FMO3: variants seen among roughly 807,000 people sequenced by gnomAD.
FMO3 encodes the protein flavin-containing monooxygenase 3.
In FMO3, 40 loss-of-function variants were observed where a neutral mutation model predicts 39.4. That is an observed-to-expected ratio of 1.02 (90% CI 0.79 to 1.32). FMO3 has a LOEUF of 1.32. FMO3 is among the 40% of genes most tolerant of loss of function. The probability of loss-of-function intolerance (pLI) is 0.00; values close to 1 mark genes in which losing one functional copy is unlikely to be tolerated. For synonymous variants in FMO3, 219 were observed against 228.8 expected, an observed-to-expected ratio of 0.96 and a Z score of 0.39; for missense variants, 680 against 651.8, an observed-to-expected ratio of 1.04 and a Z score of -0.47.
intron 2 of FMO3, chr1:171,101,120 T>C (rs1655362808): frequency 4.4e-6 from 2 of 455,988 alleles, no homozygotes; most frequent in Non-Finnish European, 8.8e-6. Flanking sequence ...GTCTTGCCAC[T>C]GAAAAAAATA....
intron 2 of FMO3, among the ~76,000 whole-genome samples, chr1:171,095,769 ATAT>A (rs962149788): frequency 4.6e-5 from 6 of 131,272 alleles, no homozygotes; most frequent in Non-Finnish European, 7.8e-5. Context: ...TATATTTAAT[ATAT>A]ATTTATATAT....
Position 171,107,850 on chromosome 1 carries a change from T to A in FMO3, c.484+13T>A. ...GAGTCCTTTCCAGGTAAGGCCAAAA[T>A]TTAAGCTGCTAGCCACATAACTGAC... On this transcript the variant is annotated intron_variant, in intron 4 of 8. Coordinates refer to ENST00000367755, the MANE Select transcript of FMO3 (RefSeq NM_001002294.3). 1 of 1,612,394 alleles carries A rather than the reference T, an allele frequency of 6.2e-7. No individual in the cohort carries two copies. Among genetic ancestry groups the A allele is most frequent in the Non-Finnish European group, 8.5e-7 (1 of 1,178,470 alleles).
intron 2 of FMO3, among the ~76,000 whole-genome samples, chr1:171,096,785 A>AAAATAT (rs71125292): frequency 0.43 from 59,033 of 137,816 alleles, 13,403 homozygotes; most frequent in African/African-American, 0.49. Flanking sequence ...AATTATATTA[A>AAAATAT]AAATATATAT....
At chr1:171,095,798 T>A (rs964124964) in intron 2 of FMO3, among the ~76,000 whole-genome samples, 3 of 127,858 alleles carry the variant, frequency 2.3e-5, no homozygotes, top group Non-Finnish European at 4.8e-5. Flanking sequence ...ATATAAAAAA[T>A]ATAAATATAT....
intron 2 of FMO3, chr1:171,101,114 T>C: frequency 2.2e-6 from 1 of 456,126 alleles, no homozygotes; most frequent in South Asian, 1.5e-5. Context: ...AGAGGGGTCT[T>C]GCCACTGAAA....
intron 2 of FMO3, among the ~76,000 whole-genome samples, chr1:171,096,096 T>G (rs1290971186): frequency 4.3e-4 from 32 of 74,908 alleles, no homozygotes; most frequent in African/African-American, 1.8e-3. Context: ...TATTAATATT[T>G]TTATATAATT....
intron 2 of FMO3, among the ~76,000 whole-genome samples, chr1:171,096,356 TA>T (rs1186436028): frequency 1.1e-5 from 1 of 89,810 alleles, no homozygotes; most frequent in African/African-American, 5.1e-5. Context: ...TATAAATATA[TA>T]AAAATATATA....
chr1:171,102,050 T>C (rs1655421731), intron 2 of FMO3, among the ~76,000 whole-genome samples: 2 of 152,140 alleles, frequency 1.3e-5, no homozygotes, highest in African/African-American at 4.8e-5. Context: ...CCCACATGCC[T>C]ATAGCAGAGT....
intron 7 of FMO3, among the ~76,000 whole-genome samples, chr1:171,115,629 GT>G (rs1313500057): frequency 6.6e-6 from 1 of 152,178 alleles, no homozygotes; most frequent in Admixed American, 6.6e-5. Flanking sequence ...ACAAAAGGCT[GT>G]TTTGGTCTGG....
rs1248754275 is a variant in FMO3, at chr1:171,113,988, G to A, written c.828-19G>A. 2.0e-6 allele frequency: 3 copies of A among 1,468,802 alleles called. No homozygotes were observed. The Admixed American group carries it at 5.4e-5, about 26-fold the overall frequency. The allele number at this position is 1,468,802 out of a possible 1,614,324, so 91.0% of individuals were successfully genotyped here. On this transcript the variant is annotated intron_variant, in intron 6 of 8. Transcript: ENST00000367755. ...GGGAAATATTACACTTCCAATAATT[G>A]TCTCTGTTTTCCATACAGAGTCCTG... is the stretch of plus-strand genomic sequence containing the variant.
chr1:171,104,731 G>A (rs2101909776), intron 3 of FMO3, among the ~76,000 whole-genome samples: 1 of 152,114 alleles, frequency 6.6e-6, no homozygotes, highest in African/African-American at 2.4e-5. Flanking sequence ...AAAATTAGCT[G>A]GATGTGGTGG....
intron 3 of FMO3, 36 bp downstream of exon 3, chr1:171,104,009 T>A: frequency 6.9e-7 from 1 of 1,459,796 alleles, no homozygotes; most frequent in Non-Finnish European, 9.6e-7. Context: ...CTTGTCATAA[T>A]GCTGAAGAAG....
chr1:171,099,759 C>CTTTTTTTTTTTTTTT (rs747274398), intron 2 of FMO3: 9 of 117,608 alleles, frequency 7.7e-5, no homozygotes, highest in Non-Finnish European at 8.6e-5. Flanking sequence ...CCATGTCTTT[C>CTTTTTTTTTTTTTTT]TTTTTTTTTT....
intron 8 of FMO3, 52 bp from the exon 9 acceptor site, chr1:171,117,048 T>A: frequency 7.4e-7 from 1 of 1,349,174 alleles, no homozygotes; most frequent in Non-Finnish European, 1.1e-6. Flanking sequence ...CTCTGTTCTG[T>A]TTCTACACAG....
rs748701064 is a variant in FMO3 at position 171,114,067 on chromosome 1, TGTGTCC to T, written c.891_896del (p.Ser298_Val299del). The stretch of plus-strand genomic sequence containing the variant: ...TCCCAGCAAGCATTCTGTGTGGCAT[TGTGTCC>T]GTAAAGCCTAACGTGAAGGAATTCA... On this transcript the variant is annotated inframe_deletion, in exon 7 of 9. Coordinates refer to ENST00000367755, the MANE Select transcript of FMO3 (RefSeq NM_001002294.3). 1 of 1,613,312 alleles carries T rather than the reference TGTGTCC, an allele frequency of 6.2e-7. No individual in the cohort carries two copies. Among genetic ancestry groups the T allele is most frequent in the Non-Finnish European group, 8.5e-7 (1 of 1,179,406 alleles).
Position 171,117,370 on chromosome 1 carries a change from C to G in FMO3, c.1527C>G (p.Cys509Trp). 6.2e-7 allele frequency: 1 copy of G among 1,612,730 alleles called. No individual in the cohort carries two copies. Among genetic ancestry groups the G allele is most frequent in the Non-Finnish European group, 8.5e-7 (1 of 1,179,498 alleles). The change falls in exon 9 of 9, where the codon TGC becomes TGG. Residue 509 changes from cysteine to tryptophan, a missense_variant. Coordinates refer to ENST00000367755, the MANE Select transcript of FMO3 (RefSeq NM_001002294.3). ...TGGTCGGGAGACTTCAGAAGCCTTG[C>G]TTCTTTTTCCATTGGCTGAAGCTCT... Reference protein sequence around the residue: ...TRVVGRLQKPCFFFHWLKLFA... With the variant: ...TRVVGRLQKPWFFFHWLKLFA...
At chr1:171,101,812 C>T in intron 2 of FMO3, 1 of 494,058 alleles carries the variant, frequency 2.0e-6, no homozygotes, top group South Asian at 1.5e-5. Flanking sequence ...GTCCTCTTTT[C>T]TCAGGAGCTC....
In FMO3 at chr1:171,117,443, T is replaced by C. The variant is rs1193117250; in HGVS notation, c.*1T>C. The C allele has an allele frequency of 6.2e-7, 1 of 1,610,672 alleles. No individual in the cohort carries two copies. Among genetic ancestry groups the C allele is most frequent in the African/African-American group, 1.3e-5 (1 of 74,856 alleles). On this transcript the variant is annotated 3_prime_UTR_variant, in exon 9 of 9. Coordinates refer to ENST00000367755, the MANE Select transcript of FMO3 (RefSeq NM_001002294.3). ...CGCTGTTTTCCTTGTGTTGACCTAA[T>C]CATCATTTTCTCTAGGATTTCTGAA...
intron 2 of FMO3, among the ~76,000 whole-genome samples, chr1:171,095,757 T>C (rs966035446): frequency 7.3e-5 from 9 of 122,620 alleles, no homozygotes; most frequent in South Asian, 2.3e-4. Flanking sequence ...ATAATATAAA[T>C]ATATATTTAA....
Sources: gnomAD v4.1 joint callset for allele counts (sites outside exome capture counted in the v4.1 genomes callset) on GRCh38, gnomAD v4.1.1 for gene constraint, MANE v1.5 for transcripts, NCBI Gene and HGNC (gene_info 2026-07-23, HGNC 2026-07-21) for gene names.